Variants in PGGHG observed in about 807,000 individuals in gnomAD.
PGGHG encodes protein-glucosylgalactosylhydroxylysine glucosidase, also known as ATH1, acid trehalase-like 1.
A neutral mutation model predicts 74.5 loss-of-function variants in PGGHG; 67 were observed. That is an observed-to-expected ratio of 0.90 (90% CI 0.74 to 1.10). The LOEUF is 1.10. Ranked by LOEUF, PGGHG falls within the 50% of genes least tolerant of loss-of-function variation. The pLI, the probability that PGGHG is intolerant of heterozygous loss-of-function variation, is 0.00. For synonymous variants in PGGHG, 496 were observed against 419.9 expected, an observed-to-expected ratio of 1.18 and a Z score of -2.21; for missense variants, 1,034 against 981.5, an observed-to-expected ratio of 1.05 and a Z score of -0.72.
In PGGHG at chr11:289,965, G is replaced by A; in HGVS notation, c.149G>A (p.Gly50Asp). Residue 50 changes from glycine to aspartate, a missense_variant, in exon 2 of 14, where the codon GGC (glycine) becomes GAC (aspartate). Gly to Asp is a moderately conservative substitution (Grantham distance 94). Transcript: ENST00000409548. The surrounding 1 kb of genome is among the most constrained non-coding windows in gnomAD (Gnocchi z 5.6). The stretch of plus-strand genomic sequence containing the variant: ...GTGAGCGGCGTGTACAATGGGGCTG[G>A]CGGGGACACGCACCGGGCCATGCTG... ...LHVSGVYNGA[G>D]GDTHRAMLPS... 1 of 1,550,172 alleles carries A rather than the reference G, an allele frequency of 6.5e-7. No individual in the cohort carries two copies. The highest frequency in any genetic ancestry group is 8.7e-7 in the Non-Finnish European group (1 of 1,146,870).
Position 293,346 on chromosome 11 carries a change from C to G in PGGHG, c.1344-20C>G. The G allele has an allele frequency of 6.2e-7, 1 of 1,608,826 alleles. No individual in the cohort carries two copies. The highest frequency in any genetic ancestry group is 8.5e-7 in the Non-Finnish European group (1 of 1,178,542). On this transcript the variant is annotated intron_variant, in intron 8 of 13. Transcript: ENST00000409548. The stretch of plus-strand genomic sequence containing the variant: ...GGAAGTGTAGGGGTTGCAGCCTCCC[C>G]CACCTACCTCCACCTCCAGCCTGCG...
In PGGHG at chr11:290,994, C is replaced by G. The variant is rs1165649886; in HGVS notation, c.787C>G (p.Leu263Val). Reference sequence around the variant, plus strand: ...GGCCCTGCGTGGCTCCCTCTACTACCTGCTCAGTGCCCTGCCCCAGCCCAA... The same window carrying G: ...GGCCCTGCGTGGCTCCCTCTACTACGTGCTCAGTGCCCTGCCCCAGCCCAA... ...RQALRGSLYYLLSALPQPKAP... is the reference protein window; with the variant it reads ...RQALRGSLYYVLSALPQPKAP... Residue 263 changes from leucine to valine, a missense_variant, in exon 4 of 14, where the codon CTG becomes GTG. Leu to Val is a conservative substitution (Grantham distance 32). Transcript: ENST00000409548. 1 of 1,612,668 alleles carries G rather than the reference C, an allele frequency of 6.2e-7. No homozygotes were observed. Among genetic ancestry groups the G allele is most frequent in the East Asian group, 2.2e-5 (1 of 44,888 alleles).
chr11:293,563 A>T, intron 9 of PGGHG, 31 bp from the exon 10 acceptor site: 1 of 1,613,156 alleles, frequency 6.2e-7, no homozygotes, highest in Admixed American at 1.7e-5. Context: ...CTGTCCTGGA[A>T]CACCTTCCAG....
intron 8 of PGGHG, 32 bp downstream of exon 8, chr11:293,267 C>A (rs1481183783): frequency 6.2e-7 from 1 of 1,605,418 alleles, no homozygotes; most frequent in Non-Finnish European, 8.5e-7. Flanking sequence ...CCTCACCCCA[C>A]CCCCGCCCCA....
At chr11:292,427 C>T in intron 5 of PGGHG, 119 bp from the exon 6 acceptor site, 3 of 1,318,880 alleles carry the variant, frequency 2.3e-6, no homozygotes, top group Non-Finnish European at 3.2e-6. Flanking sequence ...AGCAGTAGCA[C>T]CCGCCAGGGT....
In PGGHG at chr11:293,176, C is replaced by G. The variant is rs777407751; in HGVS notation, c.1284C>G (p.Pro428=). Residue 428 remains proline (P), a synonymous_variant, in exon 8 of 14, where the codon CCC becomes CCG. Coordinates refer to ENST00000409548, the MANE Select transcript of PGGHG (RefSeq NM_025092.5). Reference sequence around the variant, plus strand: ...TTGTGTGTCCAGGAGTCATGTCCCCCGACGAGTACCATTCAGGGGTCAACA... The same window carrying G: ...TTGTGTGTCCAGGAGTCATGTCCCCGGACGAGTACCATTCAGGGGTCAACA... ...EKYHLRGVMS[P]DEYHSGVNNS... The G allele has an allele frequency of 1.2e-6, 2 of 1,613,886 alleles. No individual in the cohort carries two copies. The highest frequency in any genetic ancestry group is 1.7e-6 in the Non-Finnish European group (2 of 1,179,994).
In PGGHG at chr11:291,020, G is replaced by A; in HGVS notation, c.813G>A (p.Lys271=). 2 of 1,612,610 alleles carry A rather than the reference G, an allele frequency of 1.2e-6. No individual in the cohort carries two copies. Among genetic ancestry groups the A allele is most frequent in the East Asian group, 2.2e-5 (1 of 44,882 alleles). ...YYLLSALPQP[K]APGYICHGLS... is the part of the protein sequence containing the mutation. ...TGCTCAGTGCCCTGCCCCAGCCCAAGGCCCCAGGATACATCTGCCATGGCC... is the reference window on the plus strand; with the variant it reads ...TGCTCAGTGCCCTGCCCCAGCCCAAAGCCCCAGGATACATCTGCCATGGCC... Residue 271 remains lysine (K), a synonymous_variant, in exon 4 of 14, where the codon AAG becomes AAA. Transcript: ENST00000409548.
At chr11:294,520 C>A (rs778339557) in intron 13 of PGGHG, 36 bp from the exon 14 acceptor site, 2 of 1,601,144 alleles carry the variant, frequency 1.2e-6, no homozygotes, top group Admixed American at 1.7e-5. Flanking sequence ...CGACCCCAGG[C>A]TGCCCCTCAC....
intron 10 of PGGHG, 51 bp downstream of exon 10, chr11:293,778 C>T (rs752884177): frequency 1.9e-5 from 31 of 1,613,346 alleles, no homozygotes; most frequent in Non-Finnish European, 2.3e-5. Flanking sequence ...TCAGTCTTCT[C>T]TGCCCACGCA....
At position 290,292 on chromosome 11, in the gene PGGHG, C is replaced by T. The variant is rs965974190; in HGVS notation, c.260-98C>T. 6.9e-5 allele frequency: 96 copies of T among 1,389,164 alleles called. No homozygotes were observed. The East Asian group carries it at 1.8e-3, about 26-fold the overall frequency. 86.1% of individuals were successfully genotyped at this position (1,389,164 alleles called of 1,614,324 possible). On this transcript the variant is annotated intron_variant, in intron 2 of 13. Coordinates refer to ENST00000409548, the MANE Select transcript of PGGHG (RefSeq NM_025092.5). ...GAGCAGCCGAGGGCCCAGAGGGATC[C>T]GCCTCATTGTGGGGAGAGGCAGCGG...
rs370758935 is a variant in PGGHG, at chr11:289,510, G to A, written c.-14+271G>A. ...GTGGGGGCAAGACCGGGGTTGTGGG[G>A]GGTGCGTTTGGAAAGCAGGGTTAGG... On this transcript the variant is annotated intron_variant, in intron 1 of 13. Coordinates refer to ENST00000409548, the MANE Select transcript of PGGHG (RefSeq NM_025092.5). This position sits in a 1 kb window ranked among gnomAD's most constrained non-coding sequence, Gnocchi z 5.6. 26 of 390,112 alleles carry A rather than the reference G, an allele frequency of 6.7e-5. No individual in the cohort carries two copies. The highest frequency in any genetic ancestry group is 3.5e-4 in the South Asian group (9 of 25,592). 24.2% of individuals were successfully genotyped at this position (390,112 alleles called of 1,614,324 possible).
chr11:294,878 T>C lies in PGGHG; in HGVS notation c.*129T>C. On this transcript the variant is annotated 3_prime_UTR_variant, in exon 14 of 14. Coordinates refer to ENST00000409548, the MANE Select transcript of PGGHG (RefSeq NM_025092.5). ...CCAGGCTCTCAGGGAAGGTCCATGC[T>C]GCTTGGCCTGAGTTCAAGGCTTTCT... The C allele has an allele frequency of 8.6e-7, 1 of 1,166,046 alleles. No homozygotes were observed. Among genetic ancestry groups the C allele is most frequent in the Non-Finnish European group, 1.2e-6 (1 of 842,960 alleles). The allele number at this position is 1,166,046 out of a possible 1,614,324, so 72.2% of individuals were successfully genotyped here.
chr11:290,162 T>C (rs1261928511), intron 2 of PGGHG, 87 bp downstream of exon 2: 2 of 1,441,304 alleles, frequency 1.4e-6, no homozygotes, highest in Non-Finnish European at 1.8e-6. Context: ...CACCAGCACC[T>C]CCTGAGTTTA....
At chr11:292,167 T>C in intron 5 of PGGHG, 72 bp downstream of exon 5, 11 of 1,454,662 alleles carry the variant, frequency 7.6e-6, no homozygotes, top group Non-Finnish European at 1.0e-5. Flanking sequence ...CCCAGGCCTG[T>C]ATCCCTCTCC....
Position 290,422 on chromosome 11 carries a change from T to A in PGGHG, c.292T>A (p.Phe98Ile). 6 of 1,548,050 alleles carry A rather than the reference T, an allele frequency of 3.9e-6. No homozygotes were observed. Among genetic ancestry groups the A allele is most frequent in the Non-Finnish European group, 5.2e-6 (6 of 1,146,888 alleles). Residue 98 changes from phenylalanine (F) to isoleucine (I), a missense_variant, in exon 3 of 14, where the codon TTC becomes ATC. Coordinates refer to ENST00000409548, the MANE Select transcript of PGGHG (RefSeq NM_025092.5). ...TCTTCACACCCTGGAGGGCCCCCGC[T>A]TCCGGGCCTCCCAGTGCATCTATGC... The part of the protein sequence containing the change: ...SFLHTLEGPR[F>I]RASQCIYAHR...
chr11:292,517 G>T, intron 5 of PGGHG, 29 bp from the exon 6 acceptor site: 2 of 1,609,310 alleles, frequency 1.2e-6, no homozygotes, highest in South Asian at 1.1e-5. Flanking sequence ...CTCCAACAAG[G>T]TCAAGTCTGC....
Position 291,999 on chromosome 11 carries a change from C to G in PGGHG, c.930C>G (p.Ile310Met). The change falls in exon 5 of 14, where the codon ATC becomes ATG. Residue 310 changes from isoleucine (I) to methionine (M), a missense_variant. Coordinates refer to ENST00000409548, the MANE Select transcript of PGGHG (RefSeq NM_025092.5). The part of the protein sequence containing the change: ...WDQDLWMFPS[I>M]LMFHPEAARA... ...AGGACCTCTGGATGTTCCCGAGTAT[C>G]CTGATGTTCCACCCAGAAGCCGCCA... The G allele has an allele frequency of 6.2e-7, 1 of 1,610,756 alleles. No individual in the cohort carries two copies. The highest frequency in any genetic ancestry group is 8.5e-7 in the Non-Finnish European group (1 of 1,178,974).
Position 293,683 on chromosome 11 carries a change from AT to A in PGGHG, c.1573del (p.Tyr525ThrfsTer4), listed in dbSNP as rs779807169. 17 of 1,613,034 alleles carry A rather than the reference AT, an allele frequency of 1.1e-5. No homozygotes were observed. Among genetic ancestry groups the A allele is most frequent in the Middle Eastern group, 1.6e-4 (1 of 6,062 alleles). ...SPDVRRKNLE[I>X]YEAVTSPQGP... ...TGATGTTCGCAGGAAAAATCTGGAG[AT>A]TTACGAGGCTGTGACGTCCCCCCAG... On this transcript the variant is annotated frameshift_variant, in exon 10 of 14. Transcript: ENST00000409548. LOFTEE classifies it high-confidence loss of function.
chr11:292,819 C>G, intron 6 of PGGHG, 67 bp from the exon 7 acceptor site: 1 of 1,610,484 alleles, frequency 6.2e-7, no homozygotes, highest in Non-Finnish European at 8.5e-7. Context: ...TGCTTCTGGG[C>G]ACAGACAGGC....
Sources: gnomAD v4.1 joint callset for allele counts on GRCh38, gnomAD v4.1.1 for gene constraint, Gnocchi (gnomAD v3.1) non-coding constraint, MANE v1.5 for transcripts, NCBI Gene and HGNC (gene_info 2026-07-23, HGNC 2026-07-21) for gene names.